Variants in FILIP1L observed in about 807,000 individuals in gnomAD.
The protein encoded by FILIP1L is filamin A interacting protein 1 like.
FILIP1L carries 55 observed loss-of-function variants against 96.6 expected under a neutral mutation model. That is an observed-to-expected ratio of 0.57 (90% confidence interval 0.46 to 0.71). The LOEUF (loss-of-function observed/expected upper bound fraction) is 0.71, where lower values mean the gene tolerates loss of function less well. FILIP1L is among the 30% of genes least tolerant of loss of function. The pLI, the probability that FILIP1L is intolerant of heterozygous loss-of-function variation, is 0.00. For synonymous variants in FILIP1L, 467 were observed against 473.9 expected (o/e 0.99, Z 0.19); for missense variants, 1,304 against 1,321.2 (o/e 0.99, Z 0.20).
chr3:100,011,164 G>T (rs918216667), intron 1 of FILIP1L, among the ~76,000 whole-genome samples: 4 of 152,018 alleles, frequency 2.6e-5, no homozygotes, highest in Non-Finnish European at 5.9e-5. Context: ...TTCCCTAATG[G>T]TTCTGGATCT....
At chr3:99,954,825 CA>C (rs1370985161) in intron 1 of FILIP1L, among the ~76,000 whole-genome samples, 4 of 137,860 alleles carry the variant, frequency 2.9e-5, no homozygotes, top group Non-Finnish European at 3.1e-5. Flanking sequence ...GACTCTGTCT[CA>C]AAAAAAAAGA....
intron 5 of FILIP1L, among the ~76,000 whole-genome samples, chr3:99,843,682 A>G (rs111991341): frequency 3.9e-5 from 6 of 152,262 alleles, no homozygotes; most frequent in African/African-American, 1.2e-4. Context: ...ACATAAATCT[A>G]CAATTGGGCA....
At chr3:100,101,668 G>T (rs2066307700) in intron 1 of FILIP1L, among the ~76,000 whole-genome samples, 1 of 152,060 alleles carries the variant, frequency 6.6e-6, no homozygotes, top group African/African-American at 2.4e-5. Flanking sequence ...TGTGCACAAT[G>T]TGCAGGTTAG....
chr3:99,994,692 A>C (rs571758717), intron 1 of FILIP1L, among the ~76,000 whole-genome samples: 1 of 152,304 alleles, frequency 6.6e-6, no homozygotes, highest in Non-Finnish European at 1.5e-5. Flanking sequence ...GACTGGAAAG[A>C]AAAAGAGTGC....
At chr3:100,029,962 C>CT (rs879633323) in intron 1 of FILIP1L, among the ~76,000 whole-genome samples, 3 of 152,102 alleles carry the variant, frequency 2.0e-5, no homozygotes, top group Admixed American at 6.6e-5. Context: ...AGTGAGGACT[C>CT]TAAGAAGAAA....
chr3:99,900,014 G>A (rs942044450), intron 4 of FILIP1L, among the ~76,000 whole-genome samples: 3 of 152,182 alleles, frequency 2.0e-5, no homozygotes, highest in African/African-American at 7.2e-5. Context: ...GAACCAACTT[G>A]TCAGGACTTT....
At chr3:99,948,980 T>C (rs1708097663) in intron 1 of FILIP1L, among the ~76,000 whole-genome samples, 1 of 152,178 alleles carries the variant, frequency 6.6e-6, no homozygotes, top group Non-Finnish European at 1.5e-5. Flanking sequence ...GTCTTAAAAA[T>C]GTGGCCAATT....
At chr3:99,927,626 C>T (rs1707336687) in intron 3 of FILIP1L, among the ~76,000 whole-genome samples, 1 of 152,210 alleles carries the variant, frequency 6.6e-6, no homozygotes, top group African/African-American at 2.4e-5. Context: ...GCCTCGGCCT[C>T]CCAAAGTGCT....
At chr3:100,017,183 C>T (rs1710369591) in intron 1 of FILIP1L, among the ~76,000 whole-genome samples, 1 of 152,168 alleles carries the variant, frequency 6.6e-6, no homozygotes, top group Non-Finnish European at 1.5e-5. Context: ...AAGTATATGT[C>T]TGTATCTGAT....
chr3:99,843,756 TAGC>T (rs1943237722), intron 5 of FILIP1L, among the ~76,000 whole-genome samples: 1 of 152,078 alleles, frequency 6.6e-6, no homozygotes, highest in Admixed American at 6.5e-5. Flanking sequence ...CACGGACTGG[TAGC>T]AGTCCATGGC....
intron 1 of FILIP1L, among the ~76,000 whole-genome samples, chr3:99,994,387 T>G (rs1253328800): frequency 6.6e-6 from 1 of 152,206 alleles, no homozygotes; most frequent in Non-Finnish European, 1.5e-5. Flanking sequence ...CCAAATGGAC[T>G]TAACAGACAT....
chr3:100,015,841 A>G (rs1013202087), intron 1 of FILIP1L, among the ~76,000 whole-genome samples: 7 of 152,354 alleles, frequency 4.6e-5, no homozygotes, highest in Non-Finnish European at 7.3e-5. Context: ...TCTCTATCAC[A>G]TATGATCATT....
At chr3:99,927,826 C>G (rs1319652987) in intron 3 of FILIP1L, among the ~76,000 whole-genome samples, 2 of 151,980 alleles carry the variant, frequency 1.3e-5, no homozygotes, top group Non-Finnish European at 2.9e-5. Context: ...CCCTCTTGAC[C>G]ACACCTCTGC....
chr3:99,892,774 C>CA (rs1393423737), intron 4 of FILIP1L, among the ~76,000 whole-genome samples: 1 of 152,104 alleles, frequency 6.6e-6, no homozygotes, highest in Non-Finnish European at 1.5e-5. Context: ...CTGGAACTGC[C>CA]AAAGGGAAAG....
intron 1 of FILIP1L, among the ~76,000 whole-genome samples, chr3:99,932,925 T>A (rs1429723751): frequency 6.6e-6 from 1 of 152,168 alleles, no homozygotes; most frequent in African/African-American, 2.4e-5. Context: ...TCAGGTCCAA[T>A]GACCTGATCT....
At chr3:99,978,474 G>A (rs956515039) in intron 1 of FILIP1L, among the ~76,000 whole-genome samples, 1 of 152,228 alleles carries the variant, frequency 6.6e-6, no homozygotes, top group Admixed American at 6.5e-5. Flanking sequence ...ATGAAATCTT[G>A]TCATTTGAGG....
intron 4 of FILIP1L, among the ~76,000 whole-genome samples, chr3:99,893,230 A>G (rs1021827453): frequency 1.3e-5 from 2 of 149,182 alleles, no homozygotes; most frequent in Admixed American, 6.7e-5. Flanking sequence ...CAGTGGCGCA[A>G]TCTCGGCTCA....
At chr3:99,866,097 C>T (rs1210014724) in intron 4 of FILIP1L, among the ~76,000 whole-genome samples, 1 of 151,482 alleles carries the variant, frequency 6.6e-6, no homozygotes, top group Non-Finnish European at 1.5e-5. Context: ...CCTTTATTCT[C>T]TCCTTTGTAG....
chr3:99,971,162 C>T (rs1031271571), intron 1 of FILIP1L, among the ~76,000 whole-genome samples: 3 of 152,020 alleles, frequency 2.0e-5, no homozygotes, highest in Non-Finnish European at 2.9e-5. Context: ...ATGGTGAAAC[C>T]CCGTCTCTAC....
Sources: allele counts gnomAD v4.1 joint callset (sites outside exome capture counted in the v4.1 genomes callset), GRCh38; gene constraint gnomAD v4.1.1; transcripts MANE v1.5; gene names NCBI Gene and HGNC (gene_info 2026-07-23, HGNC 2026-07-21).